Variants in MYT1 observed in about 807,000 individuals in gnomAD.
The protein encoded by MYT1 is myelin transcription factor 1.
MYT1 carries 23 observed loss-of-function variants against 123.0 expected under a neutral mutation model. That is an observed-to-expected ratio of 0.19 (90% CI 0.13 to 0.26). The LOEUF (loss-of-function observed/expected upper bound fraction) is 0.26. MYT1 is among the 10% of genes least tolerant of loss of function. MYT1 has a pLI of 1.00. For synonymous variants in MYT1, 518 were observed against 575.3 expected, an observed-to-expected ratio of 0.90 and a Z score of 1.43; for missense variants, 1,125 against 1,472.5, an observed-to-expected ratio of 0.76 and a Z score of 3.86.
Position 64,227,786 on chromosome 20 carries a change from C to T in MYT1, c.2592-102C>T, listed in dbSNP as rs1321806606. The T allele has an allele frequency of 5.0e-6, 5 of 996,526 alleles. No individual in the cohort carries two copies. The East Asian group carries it at 7.8e-5, about 16-fold the overall frequency. The allele number at this position is 996,526 out of a possible 1,614,324, so 61.7% of individuals were successfully genotyped here. On this transcript the variant is annotated intron_variant, in intron 17 of 22. Transcript: ENST00000328439. The stretch of plus-strand genomic sequence containing the variant: ...CGGTTGCCCTCACTCCCTCCCACCC[C>T]ACCCTGGGGTCACAGAGCTTGAGGG...
In MYT1 at chr20:64,199,803, G is replaced by A. The variant is rs1983239878; in HGVS notation, c.56-89G>A. 15 of 1,468,514 alleles carry A rather than the reference G, an allele frequency of 1.0e-5. No individual in the cohort carries two copies. The Admixed American group carries it at 1.2e-4, about 11-fold the overall frequency. 91.0% of individuals were successfully genotyped at this position (1,468,514 alleles called of 1,614,324 possible). On this transcript the variant is annotated intron_variant, in intron 3 of 22. Transcript: ENST00000328439. ...TCCACTCGTCCTTGGCAAACCTCTC[G>A]GCTGTTTAACTTAGTTTATGCTGTT...
intron 1 of MYT1, among the ~76,000 whole-genome samples, chr20:64,165,537 A>G (rs1982055359): frequency 1.3e-5 from 2 of 152,290 alleles, no homozygotes; most frequent in South Asian, 4.1e-4. Flanking sequence ...TCTATAAACC[A>G]GGAAAATAAA....
intron 2 of MYT1, among the ~76,000 whole-genome samples, chr20:64,198,436 G>A (rs1983195027): frequency 1.3e-5 from 2 of 152,174 alleles, no homozygotes; most frequent in South Asian, 4.2e-4. Flanking sequence ...TGAGCGACCT[G>A]CCCTGATGCC....
intron 7 of MYT1, 62 bp from the exon 8 acceptor site, chr20:64,211,144 T>A: frequency 6.4e-7 from 1 of 1,561,902 alleles, no homozygotes; most frequent in Non-Finnish European, 8.7e-7. Flanking sequence ...GAGCTACCCC[T>A]GCCCCCTCTC....
At chr20:64,180,408 C>T in intron 1 of MYT1, among the ~76,000 whole-genome samples, 1 of 152,208 alleles carries the variant, frequency 6.6e-6, no homozygotes, top group East Asian at 1.9e-4. Context: ...AGCTGGTTTC[C>T]ATTATCTTTA....
Position 64,227,269 on chromosome 20 carries a change from C to T in MYT1, c.2529-146C>T, listed in dbSNP as rs144290519. The T allele has an allele frequency of 1.3e-3, 842 of 657,988 alleles. 2 individuals are homozygous for T. Among genetic ancestry groups the T allele is most frequent in the African/African-American group, 1.8e-3 (99 of 55,418 alleles). The allele number at this position is 657,988 out of a possible 1,614,324, so 40.8% of individuals were successfully genotyped here. ...GGCAGTCGGCAGCCGGGGTGAACAT[C>T]GGCGATGCTCCTCTGCGGACAAGGG... On this transcript the variant is annotated intron_variant, in intron 16 of 22. Coordinates refer to ENST00000328439, the MANE Select transcript of MYT1 (RefSeq NM_004535.3).
Position 64,212,491 on chromosome 20 carries a change from C to T in MYT1, c.1517+353C>T, listed in dbSNP as rs1983710408. 6.6e-6 allele frequency among the ~76,000 whole-genome samples: 1 copy of T among 152,188 alleles called. No individual in the cohort carries two copies. ...GAGGTGCAGTCACCCAGTGGTGTTG[C>T]TGCCTTAACCCTACGAGCTCCCGAG... On this transcript the variant is annotated intron_variant, in intron 9 of 22. Coordinates refer to ENST00000328439, the MANE Select transcript of MYT1 (RefSeq NM_004535.3). The surrounding 1 kb of genome is among the most constrained non-coding windows in gnomAD (Gnocchi z 6.8).
chr20:64,207,258 G>T (rs774708755), intron 6 of MYT1, among the ~76,000 whole-genome samples: 5 of 152,126 alleles, frequency 3.3e-5, no homozygotes, highest in Non-Finnish European at 1.5e-5. Context: ...AAGCTCCATT[G>T]TATACAATGC....
rs1230510908 is a variant in MYT1 at position 64,196,285 on chromosome 20, C to G, written c.1-2577C>G. 6.6e-6 allele frequency among the ~76,000 whole-genome samples: 1 copy of G among 152,260 alleles called. No individual in the cohort carries two copies. The highest frequency in any genetic ancestry group is 1.9e-4 in the East Asian group (1 of 5,204). ...GGCAGAAGGTCTGGGGGGCTGCCGT[C>G]CAGGGATCACCAAGGTGAGCCTGGG... On this transcript the variant is annotated intron_variant, in intron 2 of 22. Transcript: ENST00000328439. This position sits in a 1 kb window ranked among gnomAD's most constrained non-coding sequence, Gnocchi z 4.3.
intron 1 of MYT1, among the ~76,000 whole-genome samples, chr20:64,188,426 G>C (rs1288094596): frequency 1.3e-5 from 2 of 152,094 alleles, no homozygotes; most frequent in African/African-American, 4.8e-5. Context: ...CCAGTGAGCA[G>C]GTTTCTGCAG....
chr20:64,238,261 C>T (rs1984609800), intron 21 of MYT1, among the ~76,000 whole-genome samples: 1 of 152,250 alleles, frequency 6.6e-6, no homozygotes, highest in African/African-American at 2.4e-5. Context: ...CCAGGTCCCA[C>T]AGAGAATTTG....
chr20:64,214,286 C>A (rs1983773148), intron 10 of MYT1, among the ~76,000 whole-genome samples: 1 of 151,256 alleles, frequency 6.6e-6, no homozygotes, highest in African/African-American at 2.4e-5. Context: ...CATGTGCGTG[C>A]AAGTCCATGT....
rs1247059441 is a variant in MYT1, at chr20:64,241,794, A to G, written c.*1346A>G. On this transcript the variant is annotated 3_prime_UTR_variant, in exon 23 of 23. Coordinates refer to ENST00000328439, the MANE Select transcript of MYT1 (RefSeq NM_004535.3). This position sits in a 1 kb window ranked among gnomAD's most constrained non-coding sequence, Gnocchi z 4.2. ...TTGATGCAACCAAGTTATTTTTTAT[A>G]TATTTTGTTATTTATTCTTTTAATA... The G allele has an allele frequency of 6.6e-6, 1 of 152,602 alleles. No homozygotes were observed. Among genetic ancestry groups the G allele is most frequent in the Admixed American group, 6.5e-5 (1 of 15,280 alleles). The allele number at this position is 152,602 out of a possible 1,614,324, so 9.5% of individuals were successfully genotyped here. A position where few individuals can be genotyped will look rare whatever the true frequency, so the allele number is the denominator to read the frequency against.
Position 64,218,751 on chromosome 20 carries a change from GC to G in MYT1, c.1847-155del. The stretch of plus-strand genomic sequence containing the variant: ...TGGGCCCTCCCATCCCTCCCAAAGT[GC>G]CCCCTCCCCACTGACTTGTCTGCAT... On this transcript the variant is annotated intron_variant, in intron 11 of 22. Transcript: ENST00000328439. This position sits in a 1 kb window ranked among gnomAD's most constrained non-coding sequence, Gnocchi z 4.0. 1 of 819,186 alleles carries G rather than the reference GC, an allele frequency of 1.2e-6. No homozygotes were observed. Among genetic ancestry groups the G allele is most frequent in the Non-Finnish European group, 2.0e-6 (1 of 502,638 alleles). The allele number at this position is 819,186 out of a possible 1,614,324, so 50.7% of individuals were successfully genotyped here.
At chr20:64,230,533 C>A (rs2427623) in intron 18 of MYT1, among the ~76,000 whole-genome samples, 20,115 of 152,196 alleles carry the variant, frequency 0.13, 1,664 homozygotes, top group African/African-American at 0.23. Flanking sequence ...ACTACTACTA[C>A]TAATAATAAT....
chr20:64,200,842 G>A (rs1260417911), intron 4 of MYT1, among the ~76,000 whole-genome samples: 1 of 152,220 alleles, frequency 6.6e-6, no homozygotes, highest in Non-Finnish European at 1.5e-5. Flanking sequence ...TGGAAGCTCA[G>A]CCAAACAGGT....
At chr20:64,177,196 G>C (rs1386287874) in intron 1 of MYT1, among the ~76,000 whole-genome samples, 1 of 152,166 alleles carries the variant, frequency 6.6e-6, no homozygotes, top group Non-Finnish European at 1.5e-5. Context: ...TTATTGAATA[G>C]AGAAAGTACC....
intron 7 of MYT1, among the ~76,000 whole-genome samples, chr20:64,209,477 TC>T (rs1983599564): frequency 6.6e-6 from 1 of 152,178 alleles, no homozygotes; most frequent in Non-Finnish European, 1.5e-5. Flanking sequence ...GCCTCTTTTT[TC>T]CCCATGTCTA....
In MYT1 at chr20:64,213,724, T is replaced by C; in HGVS notation, c.1631+77T>C. The C allele has an allele frequency of 8.6e-7, 1 of 1,163,828 alleles. No individual in the cohort carries two copies. Among genetic ancestry groups the C allele is most frequent in the Non-Finnish European group, 1.3e-6 (1 of 786,078 alleles). The allele number at this position is 1,163,828 out of a possible 1,614,324, so 72.1% of individuals were successfully genotyped here. ...GAGGGCTTCTCAGTCTCCCGCAGGC[T>C]GTATGTGCATGTGTGTGAGTGCATG... On this transcript the variant is annotated intron_variant, in intron 10 of 22. Coordinates refer to ENST00000328439, the MANE Select transcript of MYT1 (RefSeq NM_004535.3). The surrounding 1 kb of genome is among the most constrained non-coding windows in gnomAD (Gnocchi z 5.6).
Sources: allele counts gnomAD v4.1 joint callset (sites outside exome capture counted in the v4.1 genomes callset), GRCh38; gene constraint gnomAD v4.1.1; non-coding constraint Gnocchi (gnomAD v3.1); transcripts MANE v1.5; gene names NCBI Gene and HGNC (gene_info 2026-07-23, HGNC 2026-07-21).